The following ATP11A variants were observed in gnomAD, a reference collection of about 807,000 sequenced individuals.
ATP11A encodes phospholipid-transporting ATPase IH.
A neutral mutation model predicts 154.4 loss-of-function variants in ATP11A; 81 were observed. That is an observed-to-expected ratio of 0.52 (90% CI 0.44 to 0.63). The LOEUF (loss-of-function observed/expected upper bound fraction) is 0.63. ATP11A is among the 30% of genes least tolerant of loss of function. ATP11A has a pLI of 0.00. For missense variants in ATP11A, 1,316 were observed against 1,474.3 expected, an observed-to-expected ratio of 0.89 and a Z score of 1.76; for synonymous variants, 623 against 585.9, an observed-to-expected ratio of 1.06 and a Z score of -0.91.
rs78524800 is a variant in ATP11A at position 112,828,853 on chromosome 13, C to T, written c.1221+1962C>T. ...ATCTGACCGCAGCTCTGTGGGTAAA[C>T]GCCTGTGCCCACTGTCGCTGTGCAG... On this transcript the variant is annotated intron_variant, in intron 12 of 29. Coordinates refer to ENST00000375645, the MANE Select transcript of ATP11A (RefSeq NM_015205.3). 7.9e-3 allele frequency among the ~76,000 whole-genome samples: 1,199 copies of T among 152,268 alleles called. 19 individuals carry two copies. Among genetic ancestry groups the T allele is most frequent in the African/African-American group, 0.028 (1,153 of 41,542 alleles).
chr13:112,769,933 A>G (rs1042814575), intron 1 of ATP11A, among the ~76,000 whole-genome samples: 1 of 152,222 alleles, frequency 6.6e-6, no homozygotes, highest in Non-Finnish European at 1.5e-5. Context: ...CCTGGTCAGA[A>G]ACGTACTCCT....
intron 2 of ATP11A, among the ~76,000 whole-genome samples, chr13:112,798,975 A>G (rs2078067257): frequency 6.6e-6 from 1 of 152,236 alleles, no homozygotes; most frequent in Admixed American, 6.5e-5. Context: ...AAGATGTACC[A>G]TGCTGCTACT....
intron 1 of ATP11A, among the ~76,000 whole-genome samples, chr13:112,761,683 T>C (rs1203260751): frequency 6.7e-6 from 1 of 149,230 alleles, no homozygotes; most frequent in Non-Finnish European, 1.5e-5. Flanking sequence ...ATCGTGCACA[T>C]AGGTTTGGGT....
intron 4 of ATP11A, among the ~76,000 whole-genome samples, chr13:112,809,931 G>A (rs989948408): frequency 2.6e-5 from 4 of 152,208 alleles, no homozygotes; most frequent in South Asian, 4.1e-4. Context: ...ATCCAGGTCC[G>A]TCAGCGCGGC....
At chr13:112,858,878 A>G (rs548934719) in intron 22 of ATP11A, 43 of 166,244 alleles carry the variant, frequency 2.6e-4, no homozygotes, top group African/African-American at 1.0e-3. Flanking sequence ...ATGGGTGTGT[A>G]TGTATACGAA....
chr13:112,825,716 A>G (rs1313092776), intron 11 of ATP11A, 136 bp downstream of exon 11: 1 of 1,027,988 alleles, frequency 9.7e-7, no homozygotes. Flanking sequence ...TCTGTGATAG[A>G]TGCATTCACT....
At chr13:112,809,595 A>G (rs546725472) in intron 4 of ATP11A, among the ~76,000 whole-genome samples, 3 of 152,240 alleles carry the variant, frequency 2.0e-5, no homozygotes, top group Admixed American at 6.5e-5. Context: ...TCCTGCTGCC[A>G]TCCTGCGTGG....
At chr13:112,839,038 A>G (rs2079318984) in intron 16 of ATP11A, among the ~76,000 whole-genome samples, 1 of 152,034 alleles carries the variant, frequency 6.6e-6, no homozygotes, top group Non-Finnish European at 1.5e-5. Flanking sequence ...GCCTCCCATG[A>G]TGTCCGCAGG....
intron 5 of ATP11A, among the ~76,000 whole-genome samples, chr13:112,815,099 C>T (rs1440100570): frequency 6.6e-6 from 1 of 152,230 alleles, no homozygotes; most frequent in Non-Finnish European, 1.5e-5. Flanking sequence ...TGGAGCCCTG[C>T]AGTGACTCAC....
chr13:112,720,719 G>C (rs776159698), intron 1 of ATP11A, among the ~76,000 whole-genome samples: 2 of 152,064 alleles, frequency 1.3e-5, no homozygotes, highest in African/African-American at 2.4e-5. Flanking sequence ...CACCACGCCC[G>C]GCTAATTTTT....
intron 1 of ATP11A, among the ~76,000 whole-genome samples, chr13:112,722,075 C>G (rs1468500788): frequency 6.6e-6 from 1 of 152,168 alleles, no homozygotes; most frequent in Non-Finnish European, 1.5e-5. Flanking sequence ...GGGTCCAACT[C>G]ACAATATTTG....
rs2080036280 is a variant in ATP11A at position 112,859,467 on chromosome 13, C to T, written c.2727+15C>T. 13 of 1,606,806 alleles carry T rather than the reference C, an allele frequency of 8.1e-6. No individual in the cohort carries two copies. The highest frequency in any genetic ancestry group is 1.1e-5 in the Non-Finnish European group (13 of 1,173,646). On this transcript the variant is annotated intron_variant, in intron 23 of 29. Transcript: ENST00000375645. The surrounding 1 kb of genome is among the most constrained non-coding windows in gnomAD (Gnocchi z 4.3). ...TTTCACAACAGGTCAGTCCTAGGGT[C>T]TTCAGGGACAGGCTGTCTGAGCCTT...
rs2076748437 is a variant in ATP11A at position 112,753,577 on chromosome 13, T to C, written c.40-31558T>C. On this transcript the variant is annotated intron_variant, in intron 1 of 29. Transcript: ENST00000375645. This position sits in a 1 kb window ranked among gnomAD's most constrained non-coding sequence, Gnocchi z 4.1. ...CAGGTTGAGAATCTTTTTATGTGTTTAAGTCCATTTGCTGTTCTTTTCTCT... is the reference window on the plus strand; with the variant it reads ...CAGGTTGAGAATCTTTTTATGTGTTCAAGTCCATTTGCTGTTCTTTTCTCT... 6.6e-6 allele frequency among the ~76,000 whole-genome samples: 1 copy of C among 152,234 alleles called. No homozygotes were observed. The highest frequency in any genetic ancestry group is 1.5e-5 in the Non-Finnish European group (1 of 68,040).
At chr13:112,800,001 A>G (rs748105248) in intron 2 of ATP11A, among the ~76,000 whole-genome samples, 3 of 152,248 alleles carry the variant, frequency 2.0e-5, no homozygotes, top group Non-Finnish European at 2.9e-5. Context: ...CAAAAAATAT[A>G]ACTTATCAAA....
intron 1 of ATP11A, among the ~76,000 whole-genome samples, chr13:112,781,784 CAAA>C (rs748401969): frequency 1.1e-3 from 113 of 101,332 alleles, no homozygotes; most frequent in African/African-American, 3.7e-3. Context: ...TTTCACTTTG[CAAA>C]AAAAAAAAAA....
intron 1 of ATP11A, among the ~76,000 whole-genome samples, chr13:112,762,692 A>G (rs1056903128): frequency 6.6e-6 from 1 of 152,188 alleles, no homozygotes; most frequent in African/African-American, 2.4e-5. Context: ...CTGTAAAGTC[A>G]TGAGCTCGAA....
chr13:112,737,256 C>G (rs962650659), intron 1 of ATP11A, among the ~76,000 whole-genome samples: 1 of 152,092 alleles, frequency 6.6e-6, no homozygotes, highest in African/African-American at 2.4e-5. Context: ...GTGGGAGGGT[C>G]CACAGTCACA....
chr13:112,832,860 G>A lies in ATP11A; in HGVS notation c.1396G>A (p.Glu466Lys), dbSNP rs771922916. 6 of 1,612,116 alleles carry A rather than the reference G, an allele frequency of 3.7e-6. No homozygotes were observed. The highest frequency in any genetic ancestry group is 1.1e-5 in the South Asian group (1 of 90,912). ...IDSSPSVNGREREELFFRALC... is the reference protein window; with the variant it reads ...IDSSPSVNGRKREELFFRALC... ...GGTTCTGGGAACTGCTTTTTTATAG[G>A]AGCGCGAGGAGCTGTTTTTCCGGGC... is the stretch of plus-strand genomic sequence containing the variant. Residue 466 changes from glutamate (E) to lysine (K), a missense_variant and splice_region_variant, in exon 14 of 30, where the codon GAG (glutamate) becomes AAG (lysine). Physicochemically the swap from Glu to Lys is moderately conservative, Grantham distance 56 (BLOSUM62 1). This residue lies in a region of ATP11A where 876 missense variants were observed against 1,006.8 expected (regional missense o/e 0.87). Transcript: ENST00000375645.
chr13:112,805,189 GAAGGGCAAAATGTC>G, intron 3 of ATP11A, 143 bp downstream of exon 3: 3 of 556,980 alleles, frequency 5.4e-6, no homozygotes, highest in South Asian at 2.7e-5. Flanking sequence ...TTTTCTTAAG[GAAGGGCAAAATGTC>G]TTGGTTCTGT....
Sources: gnomAD v4.1 joint callset for allele counts (sites outside exome capture counted in the v4.1 genomes callset) on GRCh38, gnomAD v4.1.1 for gene constraint, gnomAD v4.1.1 regional missense constraint, Gnocchi (gnomAD v3.1) non-coding constraint, MANE v1.5 for transcripts, NCBI Gene and HGNC (gene_info 2026-07-23, HGNC 2026-07-21) for gene names.